The following IKBKB variants were observed in gnomAD, a reference collection of about 807,000 sequenced individuals.
IKBKB encodes the protein inhibitor of nuclear factor kappa B kinase subunit beta.
In IKBKB, 42 loss-of-function variants were observed where a neutral mutation model predicts 113.6. That is an observed-to-expected ratio of 0.37 (90% CI 0.29 to 0.48). The LOEUF (loss-of-function observed/expected upper bound fraction) is 0.48. Among genes scored for constraint, IKBKB ranks in the 20% least tolerant of loss-of-function variants. The pLI is 0.99. For missense variants in IKBKB, 673 were observed against 939.7 expected, an observed-to-expected ratio of 0.72 and a Z score of 3.71; for synonymous variants, 296 against 361.3, an observed-to-expected ratio of 0.82 and a Z score of 2.05.
intron 5 of IKBKB, among the ~76,000 whole-genome samples, chr8:42,297,037 G>A (rs1399034501): frequency 6.6e-6 from 1 of 152,186 alleles, no homozygotes; most frequent in Non-Finnish European, 1.5e-5. Flanking sequence ...CATGACCTGA[G>A]GCTGGATCCA....
intron 2 of IKBKB, among the ~76,000 whole-genome samples, chr8:42,275,333 G>A (rs1266636872): frequency 6.6e-6 from 1 of 151,490 alleles, no homozygotes; most frequent in Admixed American, 6.6e-5. Context: ...GACTACAGGT[G>A]TGCGTTGCCA....
intron 4 of IKBKB, among the ~76,000 whole-genome samples, chr8:42,291,493 T>A (rs1251489765): frequency 6.6e-6 from 1 of 152,220 alleles, no homozygotes; most frequent in Non-Finnish European, 1.5e-5. Flanking sequence ...CAACAATTTT[T>A]ATTTTAATTG....
chr8:42,279,357 AGT>A (rs1430435537), intron 2 of IKBKB, among the ~76,000 whole-genome samples: 3 of 152,238 alleles, frequency 2.0e-5, no homozygotes, highest in Non-Finnish European at 4.4e-5. Context: ...ACGTAACAAC[AGT>A]GTGCACTTTC....
At position 42,306,452 on chromosome 8, in the gene IKBKB, T is replaced by C; in HGVS notation, c.567+20T>C. The C allele has an allele frequency of 1.3e-6, 2 of 1,531,722 alleles. No individual in the cohort carries two copies. The highest frequency in any genetic ancestry group is 1.7e-5 in the Admixed American group (1 of 59,892). 94.9% of individuals were successfully genotyped at this position (1,531,722 alleles called of 1,614,324 possible). A position where few individuals can be genotyped will look rare whatever the true frequency, so the allele number is the denominator to read the frequency against. On this transcript the variant is annotated intron_variant, in intron 7 of 21. Transcript: ENST00000520810. ...TACCTGGTAAGAAGTGGGCCTTGCC[T>C]GTTTGCCTGTCAGCTCCTCCCTGCT...
At chr8:42,310,730 C>T in intron 8 of IKBKB, among the ~76,000 whole-genome samples, 1 of 152,146 alleles carries the variant, frequency 6.6e-6, no homozygotes, top group Non-Finnish European at 1.5e-5. Context: ...GGAAAACAAT[C>T]ACTATGAACA....
intron 13 of IKBKB, among the ~76,000 whole-genome samples, chr8:42,319,027 T>C (rs537422073): frequency 6.6e-6 from 1 of 152,324 alleles, no homozygotes; most frequent in East Asian, 1.9e-4. Flanking sequence ...TGTGACTCGT[T>C]TGCCAACATT....
intron 9 of IKBKB, 74 bp downstream of exon 9, chr8:42,314,503 G>C: frequency 1.0e-6 from 1 of 952,770 alleles, no homozygotes; most frequent in Non-Finnish European, 1.7e-6. Flanking sequence ...GGCTGGCCGT[G>C]GTGGCTCACA....
Position 42,272,071 on chromosome 8 carries a change from A to T in IKBKB, c.-18-12A>T, listed in dbSNP as rs200569204. Reference sequence around the variant, plus strand: ...ATCCTAACCTTTTTTCCCCATCCCAAATTGCTTATAGAGTTAGCACGACAT... The same window carrying T: ...ATCCTAACCTTTTTTCCCCATCCCATATTGCTTATAGAGTTAGCACGACAT... On this transcript the variant is annotated splice_polypyrimidine_tract_variant and intron_variant, in intron 1 of 21. Transcript: ENST00000520810. The T allele has an allele frequency of 2.5e-6, 4 of 1,602,158 alleles. No individual in the cohort carries two copies. Among genetic ancestry groups the T allele is most frequent in the Non-Finnish European group, 3.4e-6 (4 of 1,173,162 alleles).
At chr8:42,319,848 G>C in intron 15 of IKBKB, 1 of 544,852 alleles carries the variant, frequency 1.8e-6, no homozygotes, top group Non-Finnish European at 3.2e-6. Context: ...AGATGCAAGA[G>C]CTGCATGAAT....
At chr8:42,303,719 C>G (rs1250700628) in intron 5 of IKBKB, among the ~76,000 whole-genome samples, 2 of 152,200 alleles carry the variant, frequency 1.3e-5, no homozygotes, top group Non-Finnish European at 2.9e-5. Flanking sequence ...GTTGGCCAAG[C>G]TGGTCTTGAA....
At chr8:42,283,129 G>A (rs2130191524) in intron 2 of IKBKB, among the ~76,000 whole-genome samples, 1 of 152,308 alleles carries the variant, frequency 6.6e-6, no homozygotes, top group South Asian at 2.1e-4. Context: ...ATTCTGGGTT[G>A]GGCCAAGTGA....
chr8:42,272,778 A>G (rs1808062219), intron 2 of IKBKB, among the ~76,000 whole-genome samples: 1 of 151,830 alleles, frequency 6.6e-6, no homozygotes, highest in Non-Finnish European at 1.5e-5. Context: ...TCTCTACTAA[A>G]AATACAAAGA....
intron 5 of IKBKB, among the ~76,000 whole-genome samples, chr8:42,299,314 C>T (rs572117347): frequency 2.8e-4 from 42 of 152,282 alleles, no homozygotes; most frequent in African/African-American, 8.7e-4. Context: ...ATCCCTGCAG[C>T]GACCTCCTCC....
At chr8:42,326,679 A>G (rs764715888) in intron 20 of IKBKB, among the ~76,000 whole-genome samples, 7 of 152,146 alleles carry the variant, frequency 4.6e-5, no homozygotes, top group Non-Finnish European at 1.0e-4. Context: ...TCCATTATAG[A>G]TGCTCAGGTC....
intron 19 of IKBKB, 75 bp from the exon 20 acceptor site, chr8:42,325,895 A>G: frequency 6.3e-7 from 1 of 1,588,796 alleles, no homozygotes; most frequent in Non-Finnish European, 8.6e-7. Context: ...GTTGTCTCCT[A>G]AGAAAATACT....
chr8:42,315,366 A>G (rs148609947), intron 9 of IKBKB, among the ~76,000 whole-genome samples: 175 of 152,322 alleles, frequency 1.1e-3, no homozygotes, highest in African/African-American at 3.9e-3. Context: ...AAGGGTCTAG[A>G]CAGATGTACA....
At chr8:42,289,767 GA>G (rs921057499) in intron 3 of IKBKB, among the ~76,000 whole-genome samples, 121 of 151,980 alleles carry the variant, frequency 8.0e-4, no homozygotes, top group Middle Eastern at 6.8e-3. Context: ...ACAGACAAAA[GA>G]AAAAAAATAT....
intron 20 of IKBKB, chr8:42,326,430 A>G: frequency 4.1e-6 from 1 of 241,088 alleles, no homozygotes; most frequent in South Asian, 5.2e-5. Context: ...GCCCCCACTC[A>G]CCCTACCAGT....
In IKBKB at chr8:42,331,679, G is replaced by A. The variant is rs1015995972; in HGVS notation, c.*700G>A. On this transcript the variant is annotated 3_prime_UTR_variant, in exon 22 of 22. Coordinates refer to ENST00000520810, the MANE Select transcript of IKBKB (RefSeq NM_001556.3). Reference sequence around the variant, plus strand: ...AAGCTCTCCATCTGTGGTCCTTTCTGCCAAGAGCGACTCATAGTAACCAGG... The same window carrying A: ...AAGCTCTCCATCTGTGGTCCTTTCTACCAAGAGCGACTCATAGTAACCAGG... 2.5e-5 allele frequency: 12 copies of A among 486,088 alleles called. No individual in the cohort carries two copies. The Admixed American group carries it at 3.2e-4, about 13-fold the overall frequency. 30.1% of individuals were successfully genotyped at this position (486,088 alleles called of 1,614,324 possible). A position where few individuals can be genotyped will look rare whatever the true frequency, so the allele number is the denominator to read the frequency against.
Sources: allele counts gnomAD v4.1 joint callset (sites outside exome capture counted in the v4.1 genomes callset), GRCh38; gene constraint gnomAD v4.1.1; transcripts MANE v1.5; gene names NCBI Gene and HGNC (gene_info 2026-07-23, HGNC 2026-07-21).